Variants in AFF1 observed in about 807,000 individuals in gnomAD.
AFF1 encodes the protein AF4/FMR2 family member 1.
A neutral mutation model predicts 121.7 loss-of-function variants in AFF1; 48 were observed. That is an observed-to-expected ratio of 0.39 (90% CI 0.31 to 0.50). The LOEUF (loss-of-function observed/expected upper bound fraction) is 0.50. AFF1 is among the 20% of genes least tolerant of loss of function. The pLI is 0.76. For synonymous variants in AFF1, 613 were observed against 563.0 expected, an observed-to-expected ratio of 1.09 and a Z score of -1.26; for missense variants, 1,523 against 1,511.7, an observed-to-expected ratio of 1.01 and a Z score of -0.12.
At chr4:86,946,938 A>G (rs1720910819) in intron 1 of AFF1, among the ~76,000 whole-genome samples, 1 of 152,192 alleles carries the variant, frequency 6.6e-6, no homozygotes, top group South Asian at 2.1e-4. Context: ...GGGACTCTTC[A>G]GATGCCTCTA....
At chr4:87,060,255 C>CTCCAGGCTCAATTCTGA (rs1720598791) in intron 4 of AFF1, among the ~76,000 whole-genome samples, 1 of 152,132 alleles carries the variant, frequency 6.6e-6, no homozygotes, top group Non-Finnish European at 1.5e-5. Flanking sequence ...GGAGATTAAT[C>CTCCAGGCTCAATTCTGA]AGATTGTTTT....
intron 4 of AFF1, among the ~76,000 whole-genome samples, chr4:87,075,136 C>T (rs531265663): frequency 6.6e-6 from 1 of 152,098 alleles, no homozygotes; most frequent in African/African-American, 2.4e-5. Flanking sequence ...AATAAGTTTT[C>T]TAATTATTCA....
intron 1 of AFF1, among the ~76,000 whole-genome samples, chr4:86,945,374 A>G (rs535292324): frequency 4.5e-4 from 65 of 143,352 alleles, no homozygotes; most frequent in South Asian, 6.5e-4. Context: ...ACACAGGCTG[A>G]AGTGCAGTGG....
chr4:86,960,754 C>T (rs181445563), intron 2 of AFF1, among the ~76,000 whole-genome samples: 1 of 152,180 alleles, frequency 6.6e-6, no homozygotes, highest in East Asian at 1.9e-4. Context: ...GTAGTCAGCT[C>T]CCCACCAAGC....
intron 7 of AFF1, 111 bp from the exon 8 acceptor site, chr4:87,094,804 C>T (rs1052479327): frequency 5.4e-6 from 5 of 918,026 alleles, no homozygotes; most frequent in Non-Finnish European, 8.7e-6. Flanking sequence ...TAAGATTGTA[C>T]CAAGTGCAGT....
chr4:87,124,805 C>T (rs191718278), intron 12 of AFF1, among the ~76,000 whole-genome samples: 54 of 152,158 alleles, frequency 3.5e-4, no homozygotes, highest in African/African-American at 9.4e-4. Flanking sequence ...TGTTTTTCTT[C>T]GTGCAAAAAA....
At chr4:87,111,012 A>ATTTTTTTTATTTTTTTTTTTTT (rs1726458313) in intron 11 of AFF1, among the ~76,000 whole-genome samples, 1 of 29,274 alleles carries the variant, frequency 3.4e-5, no homozygotes, top group African/African-American at 8.9e-5. Flanking sequence ...TTTTTTTTTT[A>ATTTTTTTTATTTTTTTTTTTTT]TTTTTTTTTT....
chr4:87,047,490 C>T lies in AFF1; in HGVS notation c.955C>T (p.Pro319Ser). Residue 319 changes from proline (P) to serine (S), a missense_variant, in exon 4 of 21, where the codon CCA (proline) becomes TCA (serine). By Grantham distance (74) the Pro-to-Ser change is moderately conservative. This residue lies in a region of AFF1 where 905 missense variants were observed against 842.5 expected (regional missense o/e 1.07). Coordinates refer to ENST00000395146, the MANE Select transcript of AFF1 (RefSeq NM_001166693.3). ...QAPSESPELKPLPEDYRQQTF... is the reference protein window; with the variant it reads ...QAPSESPELKSLPEDYRQQTF... Reference sequence around the variant, plus strand: ...CCCTAGTGAATCCCCTGAACTGAAACCACTGCCGGAGGACTATCGACAGCA... The same window carrying T: ...CCCTAGTGAATCCCCTGAACTGAAATCACTGCCGGAGGACTATCGACAGCA... The T allele has an allele frequency of 6.2e-7, 1 of 1,614,188 alleles. No homozygotes were observed. The highest frequency in any genetic ancestry group is 8.5e-7 in the Non-Finnish European group (1 of 1,180,036).
intron 2 of AFF1, among the ~76,000 whole-genome samples, chr4:86,953,364 A>T (rs1383660890): frequency 6.6e-6 from 1 of 152,220 alleles, no homozygotes; most frequent in African/African-American, 2.4e-5. Context: ...CTGGTCCAGG[A>T]CTAGGATATA....
At chr4:87,023,874 G>A (rs745870518) in intron 2 of AFF1, among the ~76,000 whole-genome samples, 2 of 152,234 alleles carry the variant, frequency 1.3e-5, no homozygotes, top group African/African-American at 2.4e-5. Flanking sequence ...GAGGAGTGGT[G>A]TAAGGGATCT....
intron 2 of AFF1, among the ~76,000 whole-genome samples, chr4:86,964,165 C>T (rs578221940): frequency 6.8e-6 from 1 of 146,824 alleles, no homozygotes; most frequent in East Asian, 2.0e-4. Context: ...CGCCCCGTCA[C>T]CAGGCTAGGG....
chr4:87,091,021 CAAAAAA>C (rs72486264), intron 6 of AFF1, among the ~76,000 whole-genome samples: 1 of 64,842 alleles, frequency 1.5e-5, no homozygotes, highest in Admixed American at 2.1e-4. Flanking sequence ...TCTCTACCAC[CAAAAAA>C]AAAAAAAAAA....
At chr4:86,978,784 T>C (rs1191269413) in intron 2 of AFF1, among the ~76,000 whole-genome samples, 1 of 152,198 alleles carries the variant, frequency 6.6e-6, no homozygotes, top group Non-Finnish European at 1.5e-5. Context: ...TATGTTTTAC[T>C]GGAGGTGCCT....
At chr4:87,090,359 G>A (rs1382112829) in intron 6 of AFF1, among the ~76,000 whole-genome samples, 1 of 152,194 alleles carries the variant, frequency 6.6e-6, no homozygotes, top group South Asian at 2.1e-4. Context: ...GAACAGAGGG[G>A]CAGGGAAATT....
chr4:87,131,447 A>G (rs564249725), intron 17 of AFF1, among the ~76,000 whole-genome samples: 1 of 152,322 alleles, frequency 6.6e-6, no homozygotes, highest in African/African-American at 2.4e-5. Flanking sequence ...AAGAAGTGCC[A>G]AAGCTTTGAG....
chr4:87,077,810 C>G (rs551150951), intron 4 of AFF1, among the ~76,000 whole-genome samples: 9 of 152,132 alleles, frequency 5.9e-5, no homozygotes, highest in African/African-American at 2.2e-4. Flanking sequence ...AAAAGAGCAT[C>G]CTTATTCTTT....
intron 2 of AFF1, among the ~76,000 whole-genome samples, chr4:86,964,483 T>C (rs1345291328): frequency 1.3e-5 from 2 of 149,100 alleles, no homozygotes; most frequent in African/African-American, 5.0e-5. Flanking sequence ...TTGCCCAGGC[T>C]GGAGTGCAAT....
chr4:87,056,511 T>G (rs1720155044), intron 4 of AFF1, among the ~76,000 whole-genome samples: 1 of 152,236 alleles, frequency 6.6e-6, no homozygotes, highest in African/African-American at 2.4e-5. Context: ...ATAATTAGAA[T>G]GTATGTTACT....
chr4:86,991,630 A>T (rs2149506026), intron 2 of AFF1, among the ~76,000 whole-genome samples: 1 of 152,006 alleles, frequency 6.6e-6, no homozygotes, highest in Admixed American at 6.6e-5. Context: ...TACCCTTAAG[A>T]CTCAGTAACA....
Sources: allele counts gnomAD v4.1 joint callset (sites outside exome capture counted in the v4.1 genomes callset), GRCh38; gene constraint gnomAD v4.1.1; regional missense constraint gnomAD v4.1.1; transcripts MANE v1.5; gene names NCBI Gene and HGNC (gene_info 2026-07-23, HGNC 2026-07-21).